Variants in LNX2 observed in about 807,000 individuals in gnomAD.
The protein encoded by LNX2 is ligand of numb-protein X 2, also known as ligand of Numb protein X 2.
In LNX2, 35 loss-of-function variants were observed where a neutral mutation model predicts 66.2. The observed-to-expected ratio is 0.53, with a 90% CI of 0.40 to 0.70. LNX2 has a LOEUF of 0.70. LNX2 is among the 30% of genes least tolerant of loss of function. LNX2 has a pLI of 0.00. For synonymous variants in LNX2, 337 were observed against 315.6 expected (o/e 1.07, Z -0.72); for missense variants, 791 against 850.8 (o/e 0.93, Z 0.87).
chr13:27,584,445 T>C lies in LNX2; in HGVS notation c.-100-2642A>G, dbSNP rs1301301482. ...GGCATGTGCCTGCAGTCCCAGCTACTCAGGAGGCTGAGGTGGGACGATCCC... is the reference window on the plus strand; with the variant it reads ...GGCATGTGCCTGCAGTCCCAGCTACCCAGGAGGCTGAGGTGGGACGATCCC... On this transcript the variant is annotated intron_variant, in intron 1 of 9. Coordinates refer to ENST00000316334, the MANE Select transcript of LNX2 (RefSeq NM_153371.4). 2.7e-5 allele frequency among the ~76,000 whole-genome samples: 4 copies of C among 150,140 alleles called. No individual in the cohort carries two copies. In the South Asian group the frequency reaches 6.3e-4, roughly 24 times the overall value.
intron 1 of LNX2, among the ~76,000 whole-genome samples, chr13:27,587,958 T>C (rs1409419765): frequency 6.8e-6 from 1 of 146,848 alleles, no homozygotes; most frequent in African/African-American, 2.5e-5. Flanking sequence ...GAGGCAGAGC[T>C]TGCAGTAAGC....
At chr13:27,568,888 A>T in intron 3 of LNX2, 141 bp downstream of exon 3, 1 of 866,598 alleles carries the variant, frequency 1.2e-6, no homozygotes. Flanking sequence ...TATATAAATT[A>T]TATCTCAATG....
chr13:27,562,058 G>A (rs1176584712), intron 5 of LNX2, among the ~76,000 whole-genome samples: 1 of 152,122 alleles, frequency 6.6e-6, no homozygotes, highest in Non-Finnish European at 1.5e-5. Context: ...CAGATCCTTG[G>A]TAATCACAGC....
At chr13:27,561,537 C>G (rs1490425848) in intron 5 of LNX2, among the ~76,000 whole-genome samples, 3 of 152,158 alleles carry the variant, frequency 2.0e-5, no homozygotes, top group Non-Finnish European at 4.4e-5. Flanking sequence ...TGAAATTAGA[C>G]CAATATCAGA....
intron 5 of LNX2, 65 bp from the exon 6 acceptor site, chr13:27,560,050 A>G (rs1161914592): frequency 2.2e-6 from 3 of 1,373,412 alleles, no homozygotes; most frequent in African/African-American, 2.9e-5. Flanking sequence ...AAGATTACAC[A>G]CAGTGTAATT....
intron 1 of LNX2, among the ~76,000 whole-genome samples, chr13:27,597,148 T>C (rs1955607429): frequency 6.6e-6 from 1 of 152,204 alleles, no homozygotes; most frequent in Non-Finnish European, 1.5e-5. Context: ...TCTGTCCTTT[T>C]GTAGATGGCT....
At chr13:27,582,971 T>G (rs1314248459) in intron 1 of LNX2, among the ~76,000 whole-genome samples, 1 of 152,126 alleles carries the variant, frequency 6.6e-6, no homozygotes, top group African/African-American at 2.4e-5. Flanking sequence ...TCTCCATATG[T>G]CACACAGATT....
Position 27,548,369 on chromosome 13 carries a change from A to T in LNX2, c.2039T>A (p.Leu680Gln), listed in dbSNP as rs887870189. ...GCTGCCAGGCCAACAAATAACGGTC[A>T]GAGTGACTTTGTTCCTCTGCTCCTT... is the stretch of plus-strand genomic sequence containing the variant. ...MLKEQRNKVT[L>Q]TVICWPGSLV Residue 680 changes from leucine to glutamine, a missense_variant, in exon 10 of 10, where the codon CTG becomes CAG. Physicochemically the swap from Leu to Gln is moderately radical, Grantham distance 113 (BLOSUM62 -2). Transcript: ENST00000316334. The T allele has an allele frequency of 6.2e-7, 1 of 1,614,090 alleles. No homozygotes were observed. Among genetic ancestry groups the T allele is most frequent in the Non-Finnish European group, 8.5e-7 (1 of 1,179,962 alleles).
chr13:27,587,122 G>A (rs78036677), intron 1 of LNX2, among the ~76,000 whole-genome samples: 16,448 of 152,108 alleles, frequency 0.11, 1,056 homozygotes, highest in East Asian at 0.28. Flanking sequence ...GGAAAAAGAC[G>A]ATGAGCTAAG....
intron 6 of LNX2, among the ~76,000 whole-genome samples, chr13:27,559,549 T>G (rs968667522): frequency 6.6e-6 from 1 of 152,156 alleles, no homozygotes; most frequent in Non-Finnish European, 1.5e-5. Context: ...ATTAAACAGA[T>G]AGAAGATTTC....
intron 9 of LNX2, among the ~76,000 whole-genome samples, 200 bp from the exon 10 acceptor site, chr13:27,548,670 G>A (rs929204231): frequency 6.6e-6 from 1 of 152,130 alleles, no homozygotes; most frequent in African/African-American, 2.4e-5. Flanking sequence ...CCCCTGTGCC[G>A]ATGACTCCAT....
At chr13:27,596,609 TTCC>T (rs1185454507) in intron 1 of LNX2, among the ~76,000 whole-genome samples, 4 of 152,224 alleles carry the variant, frequency 2.6e-5, no homozygotes, top group African/African-American at 9.6e-5. Context: ...CATTCTTCCC[TTCC>T]TCCGTTTCAA....
At chr13:27,562,324 T>C in intron 5 of LNX2, 89 bp downstream of exon 5, 4 of 1,453,082 alleles carry the variant, frequency 2.8e-6, no homozygotes, top group Middle Eastern at 2.2e-4. Context: ...AAATGTCCCC[T>C]GAATTCTGAT....
At chr13:27,614,219 A>T (rs770280280) in intron 1 of LNX2, among the ~76,000 whole-genome samples, 1 of 152,248 alleles carries the variant, frequency 6.6e-6, no homozygotes, top group Non-Finnish European at 1.5e-5. Flanking sequence ...ACCTGAATTC[A>T]GCTAAGGTAT....
intron 1 of LNX2, among the ~76,000 whole-genome samples, chr13:27,584,996 T>C (rs937105128): frequency 9.2e-5 from 14 of 151,752 alleles, no homozygotes; most frequent in African/African-American, 3.2e-4. Flanking sequence ...TGGGTGGCTG[T>C]AGTCCCAACT....
chr13:27,553,493 C>A, intron 7 of LNX2, 54 bp from the exon 8 acceptor site: 1 of 1,369,440 alleles, frequency 7.3e-7, no homozygotes, highest in South Asian at 1.2e-5. Flanking sequence ...TTTTCACCTG[C>A]AAATCTTGTT....
intron 1 of LNX2, among the ~76,000 whole-genome samples, chr13:27,618,928 C>T (rs1414209270): frequency 6.6e-6 from 1 of 152,180 alleles, no homozygotes; most frequent in East Asian, 1.9e-4. Context: ...AGAAATGCTC[C>T]CTAAGTTCAA....
At chr13:27,559,703 A>G (rs1955105477) in intron 6 of LNX2, 139 bp downstream of exon 6, 1 of 770,636 alleles carries the variant, frequency 1.3e-6, no homozygotes, top group African/African-American at 1.8e-5. Flanking sequence ...ACAGAATAAC[A>G]ACCCTCATTT....
chr13:27,599,379 C>T, intron 1 of LNX2, among the ~76,000 whole-genome samples: 1 of 152,186 alleles, frequency 6.6e-6, no homozygotes, highest in Non-Finnish European at 1.5e-5. Flanking sequence ...AGGCCACTCA[C>T]CACTACTTTG....
Sources: gnomAD v4.1 joint callset for allele counts (sites outside exome capture counted in the v4.1 genomes callset) on GRCh38, gnomAD v4.1.1 for gene constraint, MANE v1.5 for transcripts, NCBI Gene and HGNC (gene_info 2026-07-23, HGNC 2026-07-21) for gene names.